PRKAG2: variants seen among roughly 807,000 people sequenced by gnomAD.
PRKAG2 encodes 5'-AMP-activated protein kinase subunit gamma-2.
PRKAG2 carries 26 observed loss-of-function variants against 69.6 expected under a neutral mutation model. That is an observed-to-expected ratio of 0.37 (90% CI 0.27 to 0.52). PRKAG2 has a LOEUF of 0.52. PRKAG2 is among the 20% of genes least tolerant of loss of function. PRKAG2 has a pLI of 0.90. For synonymous variants in PRKAG2, 293 were observed against 285.0 expected (o/e 1.03, Z -0.28); for missense variants, 557 against 740.0 (o/e 0.75, Z 2.87).
Position 151,595,448 on chromosome 7 carries a change from TCTA to T in PRKAG2, c.758_760del (p.Val253del). The stretch of plus-strand genomic sequence containing the variant: ...CATGTAAACACCACTTTCTGAGTCT[TCTA>T]CTGCTAAAAGAAAAAAAGGCAAAAC... On this transcript the variant is annotated inframe_deletion, in exon 6 of 16. Coordinates refer to ENST00000287878, the MANE Select transcript of PRKAG2 (RefSeq NM_016203.4). The T allele has an allele frequency of 1.2e-6, 2 of 1,612,874 alleles. No individual in the cohort carries two copies. The highest frequency in any genetic ancestry group is 1.7e-6 in the Non-Finnish European group (2 of 1,179,070).
At chr7:151,559,761 T>C in intron 15 of PRKAG2, 2 of 985,342 alleles carry the variant, frequency 2.0e-6, no homozygotes, top group Non-Finnish European at 2.4e-6. Context: ...GGGCATGCTG[T>C]TTGCTCCCAC....
In PRKAG2 at chr7:151,568,955, T is replaced by C. The variant is rs978983122; in HGVS notation, c.1107-113A>G. 8 of 1,251,518 alleles carry C rather than the reference T, an allele frequency of 6.4e-6. No homozygotes were observed. The African/African-American group carries it at 1.0e-4, about 16-fold the overall frequency. The allele number at this position is 1,251,518 out of a possible 1,614,324, so 77.5% of individuals were successfully genotyped here. ...GTTTTTATTATTGCAATAATAACAGTGTTTTGGAAGAGTTTTAAATTAGAG... is the reference window on the plus strand; with the variant it reads ...GTTTTTATTATTGCAATAATAACAGCGTTTTGGAAGAGTTTTAAATTAGAG... On this transcript the variant is annotated intron_variant, in intron 10 of 15. Coordinates refer to ENST00000287878, the MANE Select transcript of PRKAG2 (RefSeq NM_016203.4).
chr7:151,677,552 C>T (rs1424627967), intron 3 of PRKAG2, among the ~76,000 whole-genome samples: 2 of 152,218 alleles, frequency 1.3e-5, no homozygotes, highest in Non-Finnish European at 2.9e-5. Flanking sequence ...TTGAATTATG[C>T]AAGTCAAACC....
At chr7:151,589,384 C>T (rs1043628612) in intron 6 of PRKAG2, among the ~76,000 whole-genome samples, 1 of 152,174 alleles carries the variant, frequency 6.6e-6, no homozygotes, top group Non-Finnish European at 1.5e-5. Flanking sequence ...CATGGTGAAA[C>T]ATGGGTCACT....
chr7:151,718,444 G>T (rs533860456), intron 3 of PRKAG2, among the ~76,000 whole-genome samples: 1 of 152,144 alleles, frequency 6.6e-6, no homozygotes, highest in South Asian at 2.1e-4. Flanking sequence ...GACACGATCT[G>T]GTCCACAGCA....
chr7:151,651,576 C>T (rs915752606), intron 4 of PRKAG2, among the ~76,000 whole-genome samples: 1 of 152,088 alleles, frequency 6.6e-6, no homozygotes, highest in Non-Finnish European at 1.5e-5. Context: ...CACTGCACTC[C>T]AGCCTAGGCA....
chr7:151,594,978 AG>A, intron 6 of PRKAG2, among the ~76,000 whole-genome samples: 1 of 152,056 alleles, frequency 6.6e-6, no homozygotes, highest in East Asian at 1.9e-4. Context: ...TTGTATTTTT[AG>A]TACAGATGGT....
At chr7:151,689,904 G>A (rs927685872) in intron 3 of PRKAG2, among the ~76,000 whole-genome samples, 22 of 152,206 alleles carry the variant, frequency 1.4e-4, no homozygotes, top group Non-Finnish European at 2.1e-4. Flanking sequence ...TTCACATCAT[G>A]AAGGGAGAGG....
At chr7:151,750,187 C>T (rs746170895) in intron 3 of PRKAG2, among the ~76,000 whole-genome samples, 1 of 151,528 alleles carries the variant, frequency 6.6e-6, no homozygotes, top group African/African-American at 2.4e-5. Context: ...ATGTAAAACA[C>T]TGCACTGTGG....
At chr7:151,838,820 G>A (rs1172304632) in intron 1 of PRKAG2, among the ~76,000 whole-genome samples, 1 of 151,394 alleles carries the variant, frequency 6.6e-6, no homozygotes, top group East Asian at 1.9e-4. Context: ...TTAGAGACAA[G>A]CCTGGCCAAC....
chr7:151,656,919 T>C (rs1382756485), intron 4 of PRKAG2, among the ~76,000 whole-genome samples: 1 of 151,810 alleles, frequency 6.6e-6, no homozygotes, highest in Non-Finnish European at 1.5e-5. Flanking sequence ...GGTGGATCAC[T>C]TGAGGTCAGG....
At chr7:151,725,413 C>T (rs968179943) in intron 3 of PRKAG2, among the ~76,000 whole-genome samples, 1 of 151,888 alleles carries the variant, frequency 6.6e-6, no homozygotes, top group African/African-American at 2.4e-5. Flanking sequence ...GTTGATGGGC[C>T]AGAGTTTAAG....
At chr7:151,854,127 C>T (rs563330496) in intron 1 of PRKAG2, among the ~76,000 whole-genome samples, 12 of 152,334 alleles carry the variant, frequency 7.9e-5, no homozygotes, top group African/African-American at 1.4e-4. Context: ...GTGCCCATCA[C>T]GGGCCAGAGA....
intron 3 of PRKAG2, among the ~76,000 whole-genome samples, chr7:151,740,486 G>A (rs2073805515): frequency 2.0e-5 from 3 of 152,222 alleles, no homozygotes; most frequent in Admixed American, 2.0e-4. Flanking sequence ...TGAAAGTAGT[G>A]TCTTTATTCA....
chr7:151,687,175 T>C (rs1834860446), intron 3 of PRKAG2, among the ~76,000 whole-genome samples: 1 of 152,190 alleles, frequency 6.6e-6, no homozygotes, highest in African/African-American at 2.4e-5. Context: ...ACTCTGACAA[T>C]GTGGTCCCAG....
At position 151,786,421 on chromosome 7, in the gene PRKAG2, C is replaced by T. The variant is rs76585974; in HGVS notation, c.186+49G>A. 9.1e-4 allele frequency: 1,403 copies of T among 1,535,808 alleles called. 11 individuals are homozygous for T. The African/African-American group carries it at 0.015, about 16-fold the overall frequency. ...AGTGGGCTCAGGCTCTGCCTGCCTCCGTGGCACCTCAAGTGAGCTGTGAGA... is the reference window on the plus strand; with the variant it reads ...AGTGGGCTCAGGCTCTGCCTGCCTCTGTGGCACCTCAAGTGAGCTGTGAGA... On this transcript the variant is annotated intron_variant, in intron 2 of 15. Transcript: ENST00000287878.
rs561502067 is a variant in PRKAG2, at chr7:151,625,724, G to A, written c.754+6345C>T. ...TTCCTGTTAAAACAGCTGGGAGGAT[G>A]CGGGCATTTATGGAATCAGGCTGGT... is the stretch of plus-strand genomic sequence containing the variant. On this transcript the variant is annotated intron_variant, in intron 5 of 15. Coordinates refer to ENST00000287878, the MANE Select transcript of PRKAG2 (RefSeq NM_016203.4). 2.0e-5 allele frequency among the ~76,000 whole-genome samples: 3 copies of A among 152,246 alleles called. No homozygotes were observed. In the East Asian group the frequency reaches 5.8e-4, roughly 29 times the overall value.
intron 9 of PRKAG2, among the ~76,000 whole-genome samples, chr7:151,571,917 A>C (rs914632317): frequency 2.0e-5 from 3 of 152,206 alleles, no homozygotes; most frequent in Non-Finnish European, 4.4e-5. Flanking sequence ...ATTTTCCTTC[A>C]GTTGGTCCCT....
rs553203420 is a variant in PRKAG2, at chr7:151,579,370, A to C, written c.865-2918T>G. ...ATTGCTTACTGTTTTCTTCAAAATG[A>C]CAGATTTAGCAGAGAAAATAAATGT... is the stretch of plus-strand genomic sequence containing the variant. On this transcript the variant is annotated intron_variant, in intron 6 of 15. Coordinates refer to ENST00000287878, the MANE Select transcript of PRKAG2 (RefSeq NM_016203.4). Among the ~76,000 whole-genome samples, 9 of 152,334 alleles carry C rather than the reference A, an allele frequency of 5.9e-5. 1 individual carries two copies. The South Asian group carries it at 1.5e-3, about 25-fold the overall frequency.
Sources: gnomAD v4.1 joint callset for allele counts (sites outside exome capture counted in the v4.1 genomes callset) on GRCh38, gnomAD v4.1.1 for gene constraint, MANE v1.5 for transcripts, NCBI Gene and HGNC (gene_info 2026-07-23, HGNC 2026-07-21) for gene names.